The following THSD4 variants were observed in gnomAD, a reference collection of about 807,000 sequenced individuals.
The protein encoded by THSD4 is thrombospondin type-1 domain-containing protein 4.
THSD4 carries 69 observed loss-of-function variants against 119.0 expected under a neutral mutation model. The ratio of observed to expected loss-of-function variants is 0.58; its 90% confidence interval spans 0.48 to 0.71. The LOEUF (loss-of-function observed/expected upper bound fraction) is 0.71. THSD4 is among the 30% of genes least tolerant of loss of function. The probability of loss-of-function intolerance (pLI) is 0.00; values close to 1 mark genes in which losing one functional copy is unlikely to be tolerated. For missense variants in THSD4, 1,393 were observed against 1,391.1 expected (o/e 1.00, Z -0.02); for synonymous variants, 524 against 540.4 (o/e 0.97, Z 0.42).
At chr15:71,376,378 A>G (rs537487886) in intron 6 of THSD4, among the ~76,000 whole-genome samples, 1 of 152,130 alleles carries the variant, frequency 6.6e-6, no homozygotes, top group Non-Finnish European at 1.5e-5. Flanking sequence ...TGTTCTTACC[A>G]TGATTGAGTC....
chr15:71,315,112 A>G (rs1326665611), intron 6 of THSD4, among the ~76,000 whole-genome samples: 1 of 152,106 alleles, frequency 6.6e-6, no homozygotes, highest in Non-Finnish European at 1.5e-5. Flanking sequence ...GACTATTAGA[A>G]CACTCTCTGC....
intron 7 of THSD4, among the ~76,000 whole-genome samples, chr15:71,659,358 G>C (rs1162611570): frequency 6.6e-6 from 1 of 152,182 alleles, no homozygotes; most frequent in African/African-American, 2.4e-5. Context: ...GTGAGGTCAG[G>C]AGTGGAAAGC....
intron 7 of THSD4, among the ~76,000 whole-genome samples, chr15:71,609,865 A>AG (rs1441675638): frequency 6.7e-6 from 1 of 149,894 alleles, no homozygotes; most frequent in African/African-American, 2.4e-5. Context: ...AAAAAAAAAA[A>AG]AAGAAAAAAA....
rs1227977132 is a variant in THSD4 at position 71,499,437 on chromosome 15, C to T, written c.1152+87614C>T. ...ATTTTCCATACACTTATCTTCTAAG[C>T]AATTTGAGGACCATGTTTAGGTATC... is the stretch of plus-strand genomic sequence containing the variant. On this transcript the variant is annotated intron_variant, in intron 7 of 17. Coordinates refer to ENST00000261862, the MANE Select transcript of THSD4 (RefSeq NM_024817.3). 2.0e-5 allele frequency among the ~76,000 whole-genome samples: 3 copies of T among 151,122 alleles called. No homozygotes were observed. The South Asian group carries it at 6.3e-4, about 32-fold the overall frequency.
chr15:71,348,766 A>G (rs530602813), intron 6 of THSD4, among the ~76,000 whole-genome samples: 2 of 152,252 alleles, frequency 1.3e-5, no homozygotes, highest in African/African-American at 4.8e-5. Flanking sequence ...AGGATGAGCT[A>G]TTTAAAAGGA....
intron 6 of THSD4, among the ~76,000 whole-genome samples, chr15:71,399,077 C>T (rs1324126385): frequency 2.0e-5 from 3 of 152,008 alleles, no homozygotes; most frequent in Non-Finnish European, 4.4e-5. Flanking sequence ...CACAGCACAG[C>T]AGTGGGAAGC....
rs1287917523 is a variant in THSD4, at chr15:71,779,151, T to C, written c.*1777T>C. 6.6e-6 allele frequency: 1 copy of C among 152,224 alleles called. No individual in the cohort carries two copies. The highest frequency in any genetic ancestry group is 2.4e-5 in the African/African-American group (1 of 41,450). 9.4% of individuals were successfully genotyped at this position (152,224 alleles called of 1,614,324 possible). A position where few individuals can be genotyped will look rare whatever the true frequency, so the allele number is the denominator to read the frequency against. The stretch of plus-strand genomic sequence containing the variant: ...TTTCAGAAATTCTATTTGGCCTTTC[T>C]GTGGGTAGCTTTCCAGCTTCTCTTC... On this transcript the variant is annotated 3_prime_UTR_variant, in exon 18 of 18. Transcript: ENST00000261862.
At chr15:71,699,092 G>A (rs1414295608) in intron 8 of THSD4, among the ~76,000 whole-genome samples, 1 of 152,038 alleles carries the variant, frequency 6.6e-6, no homozygotes, top group East Asian at 1.9e-4. Flanking sequence ...TCATAAAATG[G>A]TAATAATAAA....
At chr15:71,269,604 A>G (rs560721045) in intron 6 of THSD4, among the ~76,000 whole-genome samples, 2 of 152,222 alleles carry the variant, frequency 1.3e-5, no homozygotes, top group African/African-American at 4.8e-5. Context: ...GGCCAGGGCA[A>G]TTAGGCAAGA....
At chr15:71,119,928 G>A (rs1217211885) in intron 1 of THSD4, among the ~76,000 whole-genome samples, 1 of 152,214 alleles carries the variant, frequency 6.6e-6, no homozygotes, top group African/African-American at 2.4e-5. Context: ...GCTGGTGGGG[G>A]ACCAGTGCAT....
At chr15:71,727,550 AAAAATATATATATATATATAT>A (rs1253323690) in intron 8 of THSD4, among the ~76,000 whole-genome samples, 1 of 108,018 alleles carries the variant, frequency 9.3e-6, no homozygotes, top group Non-Finnish European at 1.7e-5. Flanking sequence ...AAAAAAAAAA[AAAAATATATATATATATATAT>A]ATATATATAT....
chr15:71,330,391 G>A (rs908726579), intron 6 of THSD4, among the ~76,000 whole-genome samples: 1 of 152,164 alleles, frequency 6.6e-6, no homozygotes, highest in Admixed American at 6.5e-5. Context: ...CACACGGTAG[G>A]TATTCAACAA....
intron 7 of THSD4, among the ~76,000 whole-genome samples, chr15:71,562,687 C>G (rs964128904): frequency 6.7e-6 from 1 of 149,544 alleles, no homozygotes; most frequent in African/African-American, 2.5e-5. Flanking sequence ...CTAAGCCTAC[C>G]ACCTTTGGTC....
intron 6 of THSD4, among the ~76,000 whole-genome samples, chr15:71,347,486 C>G (rs1455395325): frequency 6.6e-6 from 1 of 152,204 alleles, no homozygotes; most frequent in African/African-American, 2.4e-5. Context: ...ATCAAGGTCT[C>G]TACTTTCTAT....
chr15:71,692,389 T>C (rs1455487447), intron 8 of THSD4, among the ~76,000 whole-genome samples: 2 of 152,162 alleles, frequency 1.3e-5, no homozygotes, highest in Non-Finnish European at 2.9e-5. Context: ...GATGCCAAGG[T>C]GATTTAGCCA....
At chr15:71,360,415 A>G (rs1242267679) in intron 6 of THSD4, among the ~76,000 whole-genome samples, 1 of 152,204 alleles carries the variant, frequency 6.6e-6, no homozygotes, top group Admixed American at 6.5e-5. Context: ...ACTCGGCTCT[A>G]TCTCTTCATA....
intron 6 of THSD4, among the ~76,000 whole-genome samples, chr15:71,292,259 G>T (rs1380809318): frequency 6.6e-6 from 1 of 151,966 alleles, no homozygotes; most frequent in East Asian, 1.9e-4. Flanking sequence ...TGGCATTCCG[G>T]TACGTTGTGA....
At chr15:71,123,997 G>A (rs980983651) in intron 1 of THSD4, among the ~76,000 whole-genome samples, 18 of 152,152 alleles carry the variant, frequency 1.2e-4, no homozygotes, top group Admixed American at 4.6e-4. Flanking sequence ...TTGGTATCTC[G>A]TGATGCTTTT....
chr15:71,660,877 G>T, intron 8 of THSD4, 143 bp downstream of exon 8: 1 of 890,884 alleles, frequency 1.1e-6, no homozygotes, highest in Non-Finnish European at 1.7e-6. Context: ...GTACCACCTG[G>T]CCTGCGCCTT....
Sources: allele counts gnomAD v4.1 joint callset (sites outside exome capture counted in the v4.1 genomes callset), GRCh38; gene constraint gnomAD v4.1.1; transcripts MANE v1.5; gene names NCBI Gene and HGNC (gene_info 2026-07-23, HGNC 2026-07-21).